Variants in POU6F2 observed in about 807,000 individuals in gnomAD.
POU6F2 encodes the protein POU domain, class 6, transcription factor 2.
In POU6F2, 31 loss-of-function variants were observed where a neutral mutation model predicts 71.3. That is an observed-to-expected ratio of 0.43 (90% confidence interval 0.33 to 0.59). The LOEUF is 0.59. POU6F2 is among the 20% of genes least tolerant of loss of function. POU6F2 has a pLI of 0.04. For synonymous variants in POU6F2, 347 were observed against 355.7 expected, an observed-to-expected ratio of 0.98 and a Z score of 0.27; for missense variants, 783 against 856.8, an observed-to-expected ratio of 0.91 and a Z score of 1.07.
At chr7:39,260,079 C>A (rs535124930) in intron 4 of POU6F2, among the ~76,000 whole-genome samples, 3 of 151,742 alleles carry the variant, frequency 2.0e-5, no homozygotes, top group African/African-American at 7.3e-5. Flanking sequence ...ATACGATACA[C>A]ACACCACACG....
At chr7:39,143,996 A>C (rs1411798261) in intron 2 of POU6F2, among the ~76,000 whole-genome samples, 1 of 152,172 alleles carries the variant, frequency 6.6e-6, no homozygotes, top group Non-Finnish European at 1.5e-5. Context: ...CCACAAGCCA[A>C]ATAGCACATC....
intron 1 of POU6F2, among the ~76,000 whole-genome samples, chr7:39,019,816 C>T (rs1789640779): frequency 6.6e-6 from 1 of 152,062 alleles, no homozygotes; most frequent in Non-Finnish European, 1.5e-5. Flanking sequence ...GTCAAATCTT[C>T]TTCACATCAC....
chr7:39,061,416 A>T (rs1790654468), intron 1 of POU6F2, among the ~76,000 whole-genome samples: 1 of 152,220 alleles, frequency 6.6e-6, no homozygotes, highest in Non-Finnish European at 1.5e-5. Context: ...GTTTCAAAGT[A>T]GAATTAAAAA....
At chr7:39,369,419 T>C (rs1158157918) in intron 5 of POU6F2, among the ~76,000 whole-genome samples, 2 of 151,490 alleles carry the variant, frequency 1.3e-5, no homozygotes, top group African/African-American at 4.9e-5. Context: ...TGGAGTGCAA[T>C]GGTGTGATCT....
chr7:39,088,746 C>T (rs1791306136), intron 2 of POU6F2, among the ~76,000 whole-genome samples: 1 of 152,122 alleles, frequency 6.6e-6, no homozygotes, highest in African/African-American at 2.4e-5. Context: ...ACAAGCAGAG[C>T]TCAGGGTTTT....
chr7:39,057,419 TC>T (rs1289389086), intron 1 of POU6F2, among the ~76,000 whole-genome samples: 7 of 152,098 alleles, frequency 4.6e-5, no homozygotes, highest in African/African-American at 9.7e-5. Context: ...TTTTTCTATT[TC>T]TTTTTATGTC....
intron 4 of POU6F2, among the ~76,000 whole-genome samples, chr7:39,260,634 A>ACACATACAT (rs1398167381): frequency 4.5e-4 from 68 of 151,488 alleles, no homozygotes; most frequent in African/African-American, 1.6e-3. Context: ...ACCACACACC[A>ACACATACAT]CACATACATC....
At chr7:39,118,733 C>T (rs1791982241) in intron 2 of POU6F2, among the ~76,000 whole-genome samples, 1 of 152,014 alleles carries the variant, frequency 6.6e-6, no homozygotes, top group African/African-American at 2.4e-5. Flanking sequence ...ATAAATAATA[C>T]AAAAATAATT....
chr7:39,191,296 A>G (rs1037018093), intron 2 of POU6F2, among the ~76,000 whole-genome samples: 2 of 152,190 alleles, frequency 1.3e-5, no homozygotes, highest in South Asian at 2.1e-4. Context: ...CATCAATAAC[A>G]TCTTGGATTT....
chr7:39,389,035 T>A (rs1040165266), intron 5 of POU6F2, among the ~76,000 whole-genome samples: 12 of 152,144 alleles, frequency 7.9e-5, no homozygotes, highest in African/African-American at 2.9e-4. Context: ...GTTTACTGGC[T>A]CCTCCTCAAG....
intron 2 of POU6F2, among the ~76,000 whole-genome samples, chr7:39,194,014 A>G (rs1050305227): frequency 7.9e-5 from 12 of 152,334 alleles, no homozygotes; most frequent in African/African-American, 2.9e-4. Flanking sequence ...AGGAAATTAT[A>G]TTTTTGTCTC....
chr7:39,359,471 C>A (rs1327819316), intron 5 of POU6F2, among the ~76,000 whole-genome samples: 2 of 152,016 alleles, frequency 1.3e-5, no homozygotes, highest in African/African-American at 4.8e-5. Flanking sequence ...TGTAAACAGC[C>A]TTTGTATTAA....
intron 2 of POU6F2, among the ~76,000 whole-genome samples, chr7:39,119,650 G>A (rs912883580): frequency 6.6e-5 from 10 of 152,168 alleles, no homozygotes; most frequent in African/African-American, 2.4e-4. Context: ...AGTGAGGAAG[G>A]ATTGGGCAAG....
At chr7:39,120,814 C>T (rs1017832595) in intron 2 of POU6F2, 3 of 152,110 alleles carry the variant, frequency 2.0e-5, no homozygotes, top group African/African-American at 7.2e-5. Context: ...GAAACCCTGT[C>T]CTTTATACTT....
chr7:39,264,816 G>A (rs1447208833), intron 4 of POU6F2, among the ~76,000 whole-genome samples: 2 of 152,120 alleles, frequency 1.3e-5, no homozygotes, highest in Non-Finnish European at 2.9e-5. Flanking sequence ...ATACACATAT[G>A]TATGTGTGTG....
At chr7:39,271,064 A>T (rs903778021) in intron 4 of POU6F2, among the ~76,000 whole-genome samples, 13 of 152,268 alleles carry the variant, frequency 8.5e-5, no homozygotes, top group African/African-American at 2.6e-4. Context: ...CTCAATGTAG[A>T]TCAGTGGTGA....
intron 1 of POU6F2, chr7:39,084,956 A>G (rs1791205184): frequency 6.6e-6 from 1 of 152,174 alleles, no homozygotes; most frequent in Non-Finnish European, 1.5e-5. Flanking sequence ...ATAAAAGACT[A>G]CACTTGGAAA....
At chr7:39,334,281 GAATAA>G (rs958542240) in intron 4 of POU6F2, among the ~76,000 whole-genome samples, 4 of 152,040 alleles carry the variant, frequency 2.6e-5, no homozygotes, top group African/African-American at 9.7e-5. Context: ...TTGTTGCCAA[GAATAA>G]AGACAGAATT....
At position 39,441,358 on chromosome 7, in the gene POU6F2, C is replaced by T. The variant is rs118107210; in HGVS notation, c.1320+8075C>T. Among the ~76,000 whole-genome samples, 1,046 of 127,748 alleles carry T rather than the reference C, an allele frequency of 8.2e-3. 20 individuals are homozygous for T. The East Asian group carries it at 0.09, about 11-fold the overall frequency. 83.8% of individuals were successfully genotyped at this position (127,748 alleles called of 152,430 possible). On this transcript the variant is annotated intron_variant, in intron 7 of 9. Transcript: ENST00000518318. The stretch of plus-strand genomic sequence containing the variant: ...AAAGAAGAATTAATGAGAGCATGTA[C>T]TTGGAGTTGAGTACATGGGAGTCAA...
Sources: allele counts gnomAD v4.1 joint callset (sites outside exome capture counted in the v4.1 genomes callset), GRCh38; gene constraint gnomAD v4.1.1; transcripts MANE v1.5; gene names NCBI Gene and HGNC (gene_info 2026-07-23, HGNC 2026-07-21).